FHIT: variants seen among roughly 807,000 people sequenced by gnomAD.
FHIT encodes the protein fragile histidine triad diadenosine triphosphatase.
FHIT carries 19 observed loss-of-function variants against 17.9 expected under a neutral mutation model. That is an observed-to-expected ratio of 1.06 (90% CI 0.74 to 1.56). The LOEUF is 1.56. Ranked by LOEUF, FHIT falls within the 40% of genes most tolerant of loss-of-function variation. The pLI, the probability that FHIT is intolerant of heterozygous loss-of-function variation, is 0.00. For synonymous variants in FHIT, 81 were observed against 69.7 expected (o/e 1.16, Z -0.81); for missense variants, 248 against 189.2 (o/e 1.31, Z -1.82).
chr3:61,149,970 G>C (rs1023704708), intron 2 of FHIT, among the ~76,000 whole-genome samples: 1 of 152,190 alleles, frequency 6.6e-6, no homozygotes, highest in African/African-American at 2.4e-5. Flanking sequence ...GGGTACACTA[G>C]TCAAGTGTCA....
chr3:60,673,281 A>T (rs1419981681), intron 4 of FHIT, among the ~76,000 whole-genome samples: 1 of 152,224 alleles, frequency 6.6e-6, no homozygotes, highest in African/African-American at 2.4e-5. Flanking sequence ...GTTGACTAGC[A>T]GTACATTTTC....
At chr3:60,406,621 A>G (rs1169063576) in intron 5 of FHIT, among the ~76,000 whole-genome samples, 1 of 123,352 alleles carries the variant, frequency 8.1e-6, no homozygotes, top group Non-Finnish European at 1.6e-5. Context: ...ATGGACTTTC[A>G]TTTGAAAGTT....
chr3:60,915,105 A>G (rs919792297), intron 3 of FHIT, among the ~76,000 whole-genome samples: 3 of 152,338 alleles, frequency 2.0e-5, no homozygotes, highest in Admixed American at 6.5e-5. Flanking sequence ...ACAGAGAGTG[A>G]AATTTACAAG....
chr3:60,714,672 C>G (rs184665170), intron 4 of FHIT, among the ~76,000 whole-genome samples: 1 of 152,110 alleles, frequency 6.6e-6, no homozygotes, highest in Admixed American at 6.5e-5. Context: ...CATGAGTGAA[C>G]TCCCATTCAC....
intron 5 of FHIT, among the ~76,000 whole-genome samples, chr3:60,108,665 CTT>C (rs67464031): frequency 0.33 from 47,236 of 143,724 alleles, 8,085 homozygotes; most frequent in Non-Finnish European, 0.41. Flanking sequence ...AGTTACTTCT[CTT>C]TTTTTTTTTT....
chr3:60,749,743 A>C (rs1443318757), intron 4 of FHIT, among the ~76,000 whole-genome samples: 2 of 152,200 alleles, frequency 1.3e-5, no homozygotes, highest in Non-Finnish European at 2.9e-5. Flanking sequence ...AGTGCAGGAA[A>C]TGCAACTTGG....
intron 7 of FHIT, among the ~76,000 whole-genome samples, chr3:59,943,530 C>T (rs1445757581): frequency 6.6e-6 from 1 of 152,046 alleles, no homozygotes; most frequent in Non-Finnish European, 1.5e-5. Flanking sequence ...TCATTAACTG[C>T]AAATGGAAGT....
intron 2 of FHIT, among the ~76,000 whole-genome samples, chr3:61,127,637 G>T (rs1024895939): frequency 6.6e-6 from 1 of 152,058 alleles, no homozygotes; most frequent in Non-Finnish European, 1.5e-5. Flanking sequence ...GGCCGAGGTG[G>T]GTAGATCACC....
chr3:60,790,750 CA>C (rs1240073978), intron 4 of FHIT, among the ~76,000 whole-genome samples: 8 of 152,118 alleles, frequency 5.3e-5, no homozygotes, highest in Non-Finnish European at 1.0e-4. Flanking sequence ...CATACTTGTC[CA>C]AACACACAGG....
intron 5 of FHIT, among the ~76,000 whole-genome samples, chr3:60,027,800 A>G (rs180888039): frequency 5.8e-4 from 88 of 152,034 alleles, no homozygotes; most frequent in Non-Finnish European, 1.0e-3. Flanking sequence ...TCGATCCATC[A>G]TAATTTAGCT....
intron 3 of FHIT, among the ~76,000 whole-genome samples, chr3:60,919,398 A>AT (rs1707164160): frequency 3.0e-5 from 4 of 131,152 alleles, no homozygotes; most frequent in African/African-American, 1.3e-4. Context: ...TCACAACCAC[A>AT]GTTTTTTTTT....
chr3:60,042,604 A>G (rs1701486508), intron 5 of FHIT, among the ~76,000 whole-genome samples: 1 of 152,006 alleles, frequency 6.6e-6, no homozygotes, highest in African/African-American at 2.4e-5. Context: ...CCTTTCTTTA[A>G]GAATACAAGT....
chr3:61,083,483 G>A (rs1034093778), intron 2 of FHIT, among the ~76,000 whole-genome samples: 1 of 152,094 alleles, frequency 6.6e-6, no homozygotes, highest in Admixed American at 6.5e-5. Flanking sequence ...CCAGCTACTC[G>A]GGAGGCTGAG....
intron 4 of FHIT, among the ~76,000 whole-genome samples, chr3:60,753,380 T>C (rs1292002626): frequency 6.6e-6 from 1 of 152,150 alleles, no homozygotes; most frequent in Non-Finnish European, 1.5e-5. Context: ...AACATTCATG[T>C]CCAGAACAAT....
chr3:59,821,397 G>A (rs1158074106), intron 8 of FHIT, among the ~76,000 whole-genome samples: 1 of 152,232 alleles, frequency 6.6e-6, no homozygotes, highest in Non-Finnish European at 1.5e-5. Context: ...TCAGTGTCCT[G>A]TGGTGGCTTC....
At chr3:60,890,834 T>A (rs2107173788) in intron 3 of FHIT, among the ~76,000 whole-genome samples, 1 of 152,266 alleles carries the variant, frequency 6.6e-6, no homozygotes, top group South Asian at 2.1e-4. Context: ...CTACGTCCCT[T>A]CAGGCAACTT....
In FHIT at chr3:60,237,902, G is replaced by A. The variant is rs147452920; in HGVS notation, c.104-223750C>T. Among the ~76,000 whole-genome samples the A allele has an allele frequency of 6.9e-3, 1,057 of 152,144 alleles. 9 individuals carry two copies. The highest frequency in any genetic ancestry group is 0.023 in the African/African-American group (972 of 41,528). On this transcript the variant is annotated intron_variant, in intron 5 of 9. Coordinates refer to ENST00000492590, the MANE Select transcript of FHIT (RefSeq NM_002012.4). The stretch of plus-strand genomic sequence containing the variant: ...TATAATCCCAGTACTTTGGGAGGCC[G>A]AGGCGGGTGGATCACCTGAGGTCAG...
At chr3:60,876,715 G>A (rs547521190) in intron 3 of FHIT, among the ~76,000 whole-genome samples, 9 of 152,302 alleles carry the variant, frequency 5.9e-5, no homozygotes, top group Non-Finnish European at 1.0e-4. Flanking sequence ...CTTAAGTTTA[G>A]GGGAGCAACA....
chr3:59,960,055 G>A (rs1176426655), intron 7 of FHIT, among the ~76,000 whole-genome samples: 1 of 152,000 alleles, frequency 6.6e-6, no homozygotes, highest in Admixed American at 6.6e-5. Flanking sequence ...GAAAGGCAGA[G>A]AGGAGGTGGA....
Sources: allele counts gnomAD v4.1 joint callset (sites outside exome capture counted in the v4.1 genomes callset), GRCh38; gene constraint gnomAD v4.1.1; transcripts MANE v1.5; gene names NCBI Gene and HGNC (gene_info 2026-07-23, HGNC 2026-07-21).